Variants in NPAS3 observed in about 807,000 individuals in gnomAD.
The protein encoded by NPAS3 is neuronal PAS domain protein 3.
A neutral mutation model predicts 73.1 loss-of-function variants in NPAS3; 14 were observed. The observed-to-expected ratio is 0.19, with a 90% CI of 0.13 to 0.30. The LOEUF (loss-of-function observed/expected upper bound fraction) is 0.30, where lower values mean the gene tolerates loss of function less well. NPAS3 is among the 10% of genes least tolerant of loss of function. NPAS3 has a pLI of 1.00. For missense variants in NPAS3, 1,096 were observed against 1,250.0 expected, an observed-to-expected ratio of 0.88 and a Z score of 1.86; for synonymous variants, 620 against 541.5, an observed-to-expected ratio of 1.14 and a Z score of -2.01.
At chr14:33,285,170 A>T (rs149511598) in intron 3 of NPAS3, among the ~76,000 whole-genome samples, 247 of 152,320 alleles carry the variant, frequency 1.6e-3, no homozygotes, top group African/African-American at 4.3e-3. Context: ...GGATCTGATT[A>T]TCAGAAGTTG....
intron 6 of NPAS3, among the ~76,000 whole-genome samples, chr14:33,716,222 T>G (rs942403361): frequency 6.6e-6 from 1 of 152,190 alleles, no homozygotes; most frequent in Non-Finnish European, 1.5e-5. Flanking sequence ...TGTAAGTGCT[T>G]CATACATATC....
At chr14:33,644,410 C>G (rs1226551039) in intron 5 of NPAS3, among the ~76,000 whole-genome samples, 1 of 152,178 alleles carries the variant, frequency 6.6e-6, no homozygotes, top group Non-Finnish European at 1.5e-5. Flanking sequence ...GTGTAGTGAG[C>G]AACACAGCAC....
intron 1 of NPAS3, among the ~76,000 whole-genome samples, chr14:32,989,951 G>A (rs1239707779): frequency 6.6e-6 from 1 of 150,992 alleles, no homozygotes; most frequent in Non-Finnish European, 1.5e-5. Flanking sequence ...GAATAGGGGT[G>A]GACTTGATAA....
intron 3 of NPAS3, among the ~76,000 whole-genome samples, chr14:33,252,061 G>A (rs1281349200): frequency 4.0e-5 from 3 of 75,004 alleles, no homozygotes; most frequent in African/African-American, 1.2e-4. Flanking sequence ...GTGTGTCTGT[G>A]TGTGTGTGTG....
chr14:33,525,695 G>T (rs1038316038), intron 4 of NPAS3, among the ~76,000 whole-genome samples: 1 of 152,100 alleles, frequency 6.6e-6, no homozygotes, highest in African/African-American at 2.4e-5. Flanking sequence ...GCTTTGAGAA[G>T]TCTTCAAGTT....
intron 2 of NPAS3, among the ~76,000 whole-genome samples, chr14:33,189,896 G>A (rs969241942): frequency 6.6e-6 from 1 of 152,132 alleles, no homozygotes; most frequent in African/African-American, 2.4e-5. Context: ...GTGTGTTCAT[G>A]AGTCTATATT....
intron 5 of NPAS3, among the ~76,000 whole-genome samples, chr14:33,656,929 G>A (rs1176401994): frequency 6.6e-6 from 1 of 152,124 alleles, no homozygotes; most frequent in Non-Finnish European, 1.5e-5. Context: ...GCCCTTTCGT[G>A]TTCATTGCAG....
chr14:33,109,810 C>CTT (rs67439887), intron 2 of NPAS3, among the ~76,000 whole-genome samples: 4,724 of 86,938 alleles, frequency 0.054, 327 homozygotes, highest in African/African-American at 0.07. Context: ...ATTTGCATGT[C>CTT]TTTTTTTTTT....
In NPAS3 at chr14:33,137,999, G is replaced by A. The variant is rs111634251; in HGVS notation, c.141-77183G>A. Among the ~76,000 whole-genome samples the A allele has an allele frequency of 9.6e-3, 1,457 of 151,868 alleles. 25 individuals carry two copies. The highest frequency in any genetic ancestry group is 0.032 in the African/African-American group (1,326 of 41,432). ...GCTCTCCTGCTTTTCCCAAAAATGA[G>A]GGATGGTGTAACATCTTTCTCATCT... On this transcript the variant is annotated intron_variant, in intron 2 of 11. Transcript: ENST00000356141.
chr14:33,594,267 T>C (rs1330051892), intron 5 of NPAS3, among the ~76,000 whole-genome samples: 1 of 151,934 alleles, frequency 6.6e-6, no homozygotes, highest in East Asian at 1.9e-4. Context: ...TAATTGCTAT[T>C]ATTGTTTGTT....
chr14:33,560,385 T>TG, intron 5 of NPAS3, 175 bp downstream of exon 5: 1 of 478,702 alleles, frequency 2.1e-6, no homozygotes, highest in Non-Finnish European at 3.8e-6. Context: ...GTGTTGAACA[T>TG]TCAGAATAAA....
intron 4 of NPAS3, among the ~76,000 whole-genome samples, chr14:33,515,555 A>G (rs1042901951): frequency 2.0e-5 from 3 of 152,022 alleles, no homozygotes; most frequent in African/African-American, 7.2e-5. Flanking sequence ...TGCCGCTTTC[A>G]CTCTACAACA....
At chr14:33,377,427 C>A (rs2046356919) in intron 4 of NPAS3, among the ~76,000 whole-genome samples, 1 of 152,322 alleles carries the variant, frequency 6.6e-6, no homozygotes, top group South Asian at 2.1e-4. Flanking sequence ...AGCCATCGAC[C>A]ATTGCTATAA....
chr14:33,660,994 G>A (rs2059289786), intron 5 of NPAS3, among the ~76,000 whole-genome samples: 2 of 150,948 alleles, frequency 1.3e-5, no homozygotes. Flanking sequence ...AAAGCGAAGA[G>A]TAAAATAAAG....
intron 7 of NPAS3, among the ~76,000 whole-genome samples, chr14:33,759,031 G>T (rs546867670): frequency 1.3e-5 from 2 of 152,136 alleles, no homozygotes; most frequent in African/African-American, 4.8e-5. Flanking sequence ...AAATTGATTC[G>T]AAGGGTAGAT....
intron 5 of NPAS3, among the ~76,000 whole-genome samples, chr14:33,564,236 A>T (rs2055808756): frequency 6.6e-6 from 1 of 152,328 alleles, no homozygotes; most frequent in East Asian, 1.9e-4. Flanking sequence ...CATGAGCTTC[A>T]TGGTAACCAA....
chr14:33,074,656 A>T (rs932225500), intron 2 of NPAS3, among the ~76,000 whole-genome samples: 1 of 152,176 alleles, frequency 6.6e-6, no homozygotes, highest in East Asian at 1.9e-4. Context: ...ATCTCAGGTG[A>T]TCTGCCCACC....
chr14:33,657,789 TAAA>T (rs34461549), intron 5 of NPAS3, among the ~76,000 whole-genome samples: 24 of 149,646 alleles, frequency 1.6e-4, no homozygotes, highest in Admixed American at 4.0e-4. Context: ...GCAGATTATG[TAAA>T]AAAAAAAAAG....
intron 5 of NPAS3, among the ~76,000 whole-genome samples, chr14:33,608,893 T>C (rs1481939212): frequency 6.6e-6 from 1 of 152,146 alleles, no homozygotes; most frequent in Admixed American, 6.5e-5. Flanking sequence ...CAGTCACAAA[T>C]AACCTCAAAT....
Sources: allele counts gnomAD v4.1 joint callset (sites outside exome capture counted in the v4.1 genomes callset), GRCh38; gene constraint gnomAD v4.1.1; transcripts MANE v1.5; gene names NCBI Gene and HGNC (gene_info 2026-07-23, HGNC 2026-07-21).